Variants in CIT observed in about 807,000 individuals in gnomAD.
The protein encoded by CIT is citron Rho-interacting kinase.
A neutral mutation model predicts 272.7 loss-of-function variants in CIT; 79 were observed. The observed-to-expected ratio is 0.29, with a 90% CI of 0.24 to 0.35. CIT has a LOEUF of 0.35. Among genes scored for constraint, CIT ranks in the 10% least tolerant of loss-of-function variants. The pLI, the probability that CIT is intolerant of heterozygous loss-of-function variation, is 1.00. For missense variants in CIT, 1,909 were observed against 2,618.3 expected, an observed-to-expected ratio of 0.73 and a Z score of 5.91; for synonymous variants, 948 against 995.6, an observed-to-expected ratio of 0.95 and a Z score of 0.90.
At chr12:119,688,493 T>C (rs902807568) in intron 47 of CIT, among the ~76,000 whole-genome samples, 24 of 152,372 alleles carry the variant, frequency 1.6e-4, no homozygotes, top group African/African-American at 5.5e-4. Flanking sequence ...TACACACACA[T>C]GCACATACAC....
rs776254996 is a variant in CIT, at chr12:119,761,103, G to A, written c.2305-48C>T. 3 of 1,315,888 alleles carry A rather than the reference G, an allele frequency of 2.3e-6. No individual in the cohort carries two copies. The East Asian group carries it at 6.9e-5, about 30-fold the overall frequency. 81.5% of individuals were successfully genotyped at this position (1,315,888 alleles called of 1,614,324 possible). A position where few individuals can be genotyped will look rare whatever the true frequency, so the allele number is the denominator to read the frequency against. On this transcript the variant is annotated intron_variant, in intron 19 of 47. Transcript: ENST00000392521. ...AAATGTTCTCAGGAGCCAAGCTGAG[G>A]AGGGAAGACTAAACGGGGACACTTG...
chr12:119,790,012 C>T (rs1965176029), intron 10 of CIT, among the ~76,000 whole-genome samples: 1 of 151,972 alleles, frequency 6.6e-6, no homozygotes, highest in Non-Finnish European at 1.5e-5. Context: ...CTGCACCCGG[C>T]CTGTTTTCTT....
intron 3 of CIT, among the ~76,000 whole-genome samples, chr12:119,868,378 A>G (rs917275250): frequency 2.0e-5 from 3 of 152,246 alleles, no homozygotes; most frequent in Admixed American, 2.0e-4. Flanking sequence ...TTAAAATTAA[A>G]TATCACAGAT....
chr12:119,854,934 G>A (rs1970488876), intron 4 of CIT, among the ~76,000 whole-genome samples: 1 of 151,960 alleles, frequency 6.6e-6, no homozygotes, highest in Non-Finnish European at 1.5e-5. Flanking sequence ...CTGGGCAACA[G>A]AATGAGACTC....
In CIT at chr12:119,857,786, A is replaced by G. The variant is rs1950216630; in HGVS notation, c.239-88T>C. ...AAAGAAAAAAAAAAAAGAAAATAGC[A>G]TTCGGATAGCTTCCCTCACTGTCAA... On this transcript the variant is annotated intron_variant, in intron 3 of 47. Transcript: ENST00000392521. 9.2e-6 allele frequency: 11 copies of G among 1,197,228 alleles called. No homozygotes were observed. In the South Asian group the frequency reaches 1.5e-4, roughly 16 times the overall value. The allele number at this position is 1,197,228 out of a possible 1,614,324, so 74.2% of individuals were successfully genotyped here. A position where few individuals can be genotyped will look rare whatever the true frequency, so the allele number is the denominator to read the frequency against.
intron 13 of CIT, among the ~76,000 whole-genome samples, chr12:119,780,021 T>C (rs1203359156): frequency 6.6e-6 from 1 of 152,146 alleles, no homozygotes; most frequent in African/African-American, 2.4e-5. Flanking sequence ...CAGGTCAGGA[T>C]GGGGAACTGC....
Position 119,870,549 on chromosome 12 carries a change from C to CAAAAAA in CIT, c.97-1354_97-1349dup, listed in dbSNP as rs57894300. 5.3e-4 allele frequency among the ~76,000 whole-genome samples: 28 copies of CAAAAAA among 52,436 alleles called. 1 individual carries two copies. The highest frequency in any genetic ancestry group is 8.7e-4 in the African/African-American group (13 of 14,974). 34.4% of individuals were successfully genotyped at this position (52,436 alleles called of 152,430 possible). On this transcript the variant is annotated intron_variant, in intron 2 of 47. Transcript: ENST00000392521. Reference sequence around the variant, plus strand: ...TAGGCAACACAGTGAGACTCCCTCTCAAAAAAAAAAAAAAAAAAAAAAAAG... The same window carrying CAAAAAA: ...TAGGCAACACAGTGAGACTCCCTCTCAAAAAAAAAAAAAAAAAAAAAAAAAAAAAAG...
intron 10 of CIT, among the ~76,000 whole-genome samples, chr12:119,790,416 T>C (rs1269459660): frequency 2.0e-5 from 3 of 152,058 alleles, no homozygotes; most frequent in Non-Finnish European, 2.9e-5. Flanking sequence ...GGGTGCAGAG[T>C]TGCAGTAAAC....
At chr12:119,782,907 ATACT>A in intron 12 of CIT, 1 of 328,398 alleles carries the variant, frequency 3.0e-6, no homozygotes, top group East Asian at 5.7e-5. Context: ...GTCCTAGGAG[ATACT>A]TACTTGCATG....
chr12:119,713,366 G>T lies in CIT; in HGVS notation c.4488-72C>A. The T allele has an allele frequency of 1.3e-6, 2 of 1,580,906 alleles. No individual in the cohort carries two copies. Among genetic ancestry groups the T allele is most frequent in the South Asian group, 1.1e-5 (1 of 89,556 alleles). Reference sequence around the variant, plus strand: ...ACATCCGGCTGGAGGATAGGATGAGGGGGTGGCAGAGTTCCTAGAAAAGAC... The same window carrying T: ...ACATCCGGCTGGAGGATAGGATGAGTGGGTGGCAGAGTTCCTAGAAAAGAC... On this transcript the variant is annotated intron_variant, in intron 34 of 47. Transcript: ENST00000392521. This position sits in a 1 kb window ranked among gnomAD's most constrained non-coding sequence, Gnocchi z 5.2.
chr12:119,712,527 T>C lies in CIT; in HGVS notation c.4684+64A>G, dbSNP rs1036819031. 1.3e-6 allele frequency: 2 copies of C among 1,492,744 alleles called. No individual in the cohort carries two copies. Among genetic ancestry groups the C allele is most frequent in the South Asian group, 2.3e-5 (2 of 87,614 alleles). The allele number at this position is 1,492,744 out of a possible 1,614,324, so 92.5% of individuals were successfully genotyped here. ...CCAATCTTCCCTGTACCACCCCTTC[T>C]GTCCCTGCTGATTGGCCAAGCCCGG... On this transcript the variant is annotated intron_variant, in intron 36 of 47. Transcript: ENST00000392521. The surrounding 1 kb of genome is among the most constrained non-coding windows in gnomAD (Gnocchi z 5.2).
intron 2 of CIT, among the ~76,000 whole-genome samples, chr12:119,872,052 AG>A (rs1950694670): frequency 6.6e-6 from 1 of 152,226 alleles, no homozygotes; most frequent in South Asian, 2.1e-4. Flanking sequence ...AACAGCCTGC[AG>A]TGAAATGAGA....
chr12:119,829,980 C>A (rs142731622), intron 7 of CIT, among the ~76,000 whole-genome samples: 10 of 151,890 alleles, frequency 6.6e-5, no homozygotes, highest in African/African-American at 2.4e-4. Context: ...ATATGGTATA[C>A]TATGAGTACA....
chr12:119,849,199 G>A (rs1170615016), intron 5 of CIT, among the ~76,000 whole-genome samples: 1 of 152,226 alleles, frequency 6.6e-6, no homozygotes, highest in Non-Finnish European at 1.5e-5. Context: ...GGCCGAGGCA[G>A]GTGGATCATT....
At chr12:119,805,627 T>C (rs1966546249) in intron 9 of CIT, among the ~76,000 whole-genome samples, 1 of 152,246 alleles carries the variant, frequency 6.6e-6, no homozygotes, top group Non-Finnish European at 1.5e-5. Flanking sequence ...CTTTCCACTA[T>C]ATACTAATTT....
At chr12:119,792,430 T>C (rs1476746632) in intron 10 of CIT, among the ~76,000 whole-genome samples, 1 of 152,150 alleles carries the variant, frequency 6.6e-6, no homozygotes, top group Non-Finnish European at 1.5e-5. Flanking sequence ...TCCAAAAATA[T>C]ACTGGCTTTT....
chr12:119,816,311 G>A (rs1967181461), intron 9 of CIT, among the ~76,000 whole-genome samples: 2 of 152,152 alleles, frequency 1.3e-5, no homozygotes, highest in South Asian at 4.1e-4. Context: ...TGAAGTATAT[G>A]AACGATGTAA....
At chr12:119,829,402 A>C (rs7964185) in intron 7 of CIT, among the ~76,000 whole-genome samples, 2,883 of 150,282 alleles carry the variant, frequency 0.019, 79 homozygotes, top group East Asian at 0.12. Context: ...AAGAGAAGAG[A>C]AGAGCTTACA....
chr12:119,857,071 A>G (rs578135252), intron 4 of CIT, among the ~76,000 whole-genome samples: 1 of 152,362 alleles, frequency 6.6e-6, no homozygotes, highest in African/African-American at 2.4e-5. Flanking sequence ...CTCTCAAACA[A>G]GCAACTCCCT....
Sources: allele counts gnomAD v4.1 joint callset (sites outside exome capture counted in the v4.1 genomes callset), GRCh38; gene constraint gnomAD v4.1.1; non-coding constraint Gnocchi (gnomAD v3.1); transcripts MANE v1.5; gene names NCBI Gene and HGNC (gene_info 2026-07-23, HGNC 2026-07-21).